PKN2: variants seen among roughly 807,000 people sequenced by gnomAD.
PKN2 encodes protein kinase N2.
PKN2 carries 38 observed loss-of-function variants against 119.1 expected under a neutral mutation model. The observed-to-expected ratio is 0.32, with a 90% CI of 0.25 to 0.42. The LOEUF is 0.42. Among genes scored for constraint, PKN2 ranks in the 10% least tolerant of loss-of-function variants. The pLI is 1.00. For missense variants in PKN2, 850 were observed against 1,165.1 expected (o/e 0.73, Z 3.94); for synonymous variants, 390 against 384.9 (o/e 1.01, Z -0.15).
At chr1:88,686,752 T>C (rs1666118969) in intron 1 of PKN2, among the ~76,000 whole-genome samples, 1 of 152,138 alleles carries the variant, frequency 6.6e-6, no homozygotes, top group Non-Finnish European at 1.5e-5. Context: ...TTTCCATCTA[T>C]TCAGACTTTT....
intron 6 of PKN2, among the ~76,000 whole-genome samples, chr1:88,774,336 C>T (rs1291374175): frequency 1.3e-5 from 2 of 152,176 alleles, no homozygotes; most frequent in Admixed American, 1.3e-4. Flanking sequence ...TTGTGCCCCT[C>T]CCTAGGTCAG....
At chr1:88,749,539 G>A (rs1230227787) in intron 2 of PKN2, among the ~76,000 whole-genome samples, 1 of 152,120 alleles carries the variant, frequency 6.6e-6, no homozygotes, top group Admixed American at 6.5e-5. Context: ...GGTGATATAT[G>A]ACAAGGGCTA....
At chr1:88,733,070 CAT>C (rs1166571812) in intron 1 of PKN2, among the ~76,000 whole-genome samples, 2 of 152,098 alleles carry the variant, frequency 1.3e-5, no homozygotes, top group Non-Finnish European at 2.9e-5. Context: ...TAACAAGAAA[CAT>C]AAAAATAGTT....
rs777121797 is a variant in PKN2, at chr1:88,793,342, A to G, written c.1281+7129A>G. Among the ~76,000 whole-genome samples the G allele has an allele frequency of 2.6e-5, 4 of 152,272 alleles. No homozygotes were observed. The South Asian group carries it at 8.3e-4, about 32-fold the overall frequency. ...TTGTTGTAATGTTTTTGATATTTCTATGCTATGTGATTCATCTGCAGATTT... is the reference window on the plus strand; with the variant it reads ...TTGTTGTAATGTTTTTGATATTTCTGTGCTATGTGATTCATCTGCAGATTT... On this transcript the variant is annotated intron_variant, in intron 8 of 21. Coordinates refer to ENST00000370521, the MANE Select transcript of PKN2 (RefSeq NM_006256.4).
At chr1:88,695,925 A>G (rs1201290901) in intron 1 of PKN2, among the ~76,000 whole-genome samples, 5 of 152,082 alleles carry the variant, frequency 3.3e-5, no homozygotes, top group African/African-American at 9.7e-5. Flanking sequence ...TGCCTTGTCT[A>G]CCGTTTATTT....
chr1:88,751,452 G>T (rs754378728), intron 2 of PKN2, among the ~76,000 whole-genome samples: 5 of 151,774 alleles, frequency 3.3e-5, no homozygotes, highest in African/African-American at 1.2e-4. Context: ...TGTACACAGG[G>T]TTGTCCTTTG....
chr1:88,722,602 G>A (rs984585252), intron 1 of PKN2, among the ~76,000 whole-genome samples: 10 of 151,840 alleles, frequency 6.6e-5, no homozygotes, highest in Non-Finnish European at 1.3e-4. Flanking sequence ...AGCACAGTGA[G>A]ACCCCATCTC....
chr1:88,701,750 A>C (rs1203718130), intron 1 of PKN2, among the ~76,000 whole-genome samples: 1 of 152,182 alleles, frequency 6.6e-6, no homozygotes, highest in Non-Finnish European at 1.5e-5. Flanking sequence ...TCCATCTTTG[A>C]GAAGCATCTA....
intron 15 of PKN2, among the ~76,000 whole-genome samples, chr1:88,808,307 A>G (rs886072422): frequency 2.0e-5 from 3 of 150,712 alleles, no homozygotes; most frequent in Non-Finnish European, 3.0e-5. Context: ...TTTTTTGTTT[A>G]TTTATTTATT....
intron 19 of PKN2, chr1:88,828,908 T>C (rs1213203417): frequency 4.0e-5 from 25 of 618,044 alleles, no homozygotes; most frequent in East Asian, 6.5e-5. Context: ...TTATAGGGAA[T>C]GGAATAACAG....
intron 1 of PKN2, among the ~76,000 whole-genome samples, chr1:88,694,593 G>T (rs1480235875): frequency 2.0e-5 from 3 of 152,138 alleles, no homozygotes; most frequent in Non-Finnish European, 4.4e-5. Context: ...GCAAGTTTTT[G>T]TGTGGATGCA....
At chr1:88,758,417 A>G (rs1174387536) in intron 2 of PKN2, among the ~76,000 whole-genome samples, 1 of 151,752 alleles carries the variant, frequency 6.6e-6, no homozygotes, top group African/African-American at 2.4e-5. Context: ...ACCTGTGAAG[A>G]TTTGTTATAT....
rs551362489 is a variant in PKN2, at chr1:88,703,797, G to C, written c.48+19169G>C. On this transcript the variant is annotated intron_variant, in intron 1 of 21. Transcript: ENST00000370521. ...ATCTCATTTTACAGGTTAGAAAAATGAGACCCAGAGAGGTTTAAGTGATTT... is the reference window on the plus strand; with the variant it reads ...ATCTCATTTTACAGGTTAGAAAAATCAGACCCAGAGAGGTTTAAGTGATTT... 2.1e-4 allele frequency among the ~76,000 whole-genome samples: 32 copies of C among 152,232 alleles called. No homozygotes were observed. In the South Asian group the frequency reaches 6.6e-3, roughly 32 times the overall value.
chr1:88,777,659 T>C (rs1460154554), intron 6 of PKN2, among the ~76,000 whole-genome samples: 3 of 152,172 alleles, frequency 2.0e-5, no homozygotes, highest in Non-Finnish European at 4.4e-5. Context: ...CAAAATAAAA[T>C]TCTAAGCCAC....
intron 8 of PKN2, among the ~76,000 whole-genome samples, chr1:88,786,921 T>C (rs1670600426): frequency 6.8e-6 from 1 of 147,604 alleles, no homozygotes; most frequent in Non-Finnish European, 1.5e-5. Flanking sequence ...TGGTGATTAC[T>C]GTTCTAAGCC....
At chr1:88,824,518 C>T (rs17130621) in intron 18 of PKN2, 132 bp downstream of exon 18, 10,306 of 575,290 alleles carry the variant, frequency 0.018, 240 homozygotes, top group South Asian at 0.063. Flanking sequence ...ATTGTAGATA[C>T]AATGAAAACA....
rs1671227215 is a variant in PKN2, at chr1:88,799,610, T to G, written c.1282-4781T>G. 1.3e-5 allele frequency among the ~76,000 whole-genome samples: 2 copies of G among 152,222 alleles called. 1 individual carries two copies. Among genetic ancestry groups the G allele is most frequent in the South Asian group, 4.1e-4 (2 of 4,830 alleles). On this transcript the variant is annotated intron_variant, in intron 8 of 21. Transcript: ENST00000370521. ...AGTGTGTATTTCCCTTTCTCCTTCC[T>G]TGCCTTGCCTTGCTTTTCACAACAG...
chr1:88,691,832 G>A (rs1666345435), intron 1 of PKN2, among the ~76,000 whole-genome samples: 1 of 151,792 alleles, frequency 6.6e-6, no homozygotes, highest in Admixed American at 6.6e-5. Context: ...GATACTTTGA[G>A]AGAAACCACA....
intron 6 of PKN2, among the ~76,000 whole-genome samples, chr1:88,783,022 G>A (rs1390883110): frequency 1.3e-5 from 2 of 152,154 alleles, no homozygotes; most frequent in East Asian, 3.9e-4. Context: ...ATTCTCTACT[G>A]CTGGGGCAAG....
Sources: allele counts gnomAD v4.1 joint callset (sites outside exome capture counted in the v4.1 genomes callset), GRCh38; gene constraint gnomAD v4.1.1; transcripts MANE v1.5; gene names NCBI Gene and HGNC (gene_info 2026-07-23, HGNC 2026-07-21).